Variants in GABRA2 observed in about 807,000 individuals in gnomAD.
GABRA2 encodes the protein gamma-aminobutyric acid receptor subunit alpha-2.
GABRA2 carries 16 observed loss-of-function variants against 48.7 expected under a neutral mutation model. The observed-to-expected ratio is 0.33, with a 90% CI of 0.22 to 0.50. The LOEUF (loss-of-function observed/expected upper bound fraction) is 0.50. Among genes scored for constraint, GABRA2 ranks in the 20% least tolerant of loss-of-function variants. GABRA2 has a pLI of 0.98. For missense variants in GABRA2, 275 were observed against 535.6 expected, an observed-to-expected ratio of 0.51 and a Z score of 4.80; for synonymous variants, 185 against 184.5, an observed-to-expected ratio of 1.00 and a Z score of -0.02.
At chr4:46,350,019 T>C (rs183239935) in intron 3 of GABRA2, among the ~76,000 whole-genome samples, 1 of 152,020 alleles carries the variant, frequency 6.6e-6, no homozygotes, top group Admixed American at 6.6e-5. Flanking sequence ...GCATTTACTG[T>C]ATGCTGAACT....
chr4:46,265,789 T>C (rs567143138), intron 8 of GABRA2, among the ~76,000 whole-genome samples: 2 of 152,076 alleles, frequency 1.3e-5, no homozygotes, highest in South Asian at 4.1e-4. Context: ...GAGAATTTTT[T>C]TTCTCTTTTT....
intron 8 of GABRA2, among the ~76,000 whole-genome samples, chr4:46,298,648 T>G (rs796717065): frequency 1.4e-4 from 21 of 152,110 alleles, no homozygotes; most frequent in African/African-American, 5.1e-4. Context: ...TAACTGTGTG[T>G]AGAAACTGTC....
intron 4 of GABRA2, among the ~76,000 whole-genome samples, chr4:46,313,300 A>C (rs1727994352): frequency 1.3e-5 from 2 of 151,900 alleles, no homozygotes; most frequent in South Asian, 2.1e-4. Context: ...AGAAACTGTA[A>C]ATTATCATAT....
rs1713333570 is a variant in GABRA2, at chr4:46,244,470, A to C, written c.*5838T>G. On this transcript the variant is annotated 3_prime_UTR_variant, in exon 10 of 10. Transcript: ENST00000381620. ...TTCTAAAAAGAAGCATGGAAAACTG[A>C]CATTTTCAAACCTAGTAAGCTAATT... is the stretch of plus-strand genomic sequence containing the variant. Among the ~76,000 whole-genome samples the C allele has an allele frequency of 6.6e-6, 1 of 151,592 alleles. No homozygotes were observed. Among genetic ancestry groups the C allele is most frequent in the Non-Finnish European group, 1.5e-5 (1 of 67,690 alleles).
At chr4:46,342,386 G>C (rs1733388573) in intron 3 of GABRA2, among the ~76,000 whole-genome samples, 1 of 151,924 alleles carries the variant, frequency 6.6e-6, no homozygotes, top group African/African-American at 2.4e-5. Context: ...TCAGAAATCA[G>C]ATTGTGCCAA....
chr4:46,274,832 A>G (rs1720167714), intron 8 of GABRA2, among the ~76,000 whole-genome samples: 1 of 152,062 alleles, frequency 6.6e-6, no homozygotes, highest in Non-Finnish European at 1.5e-5. Flanking sequence ...AGAGAATCCT[A>G]TAGCTTCCCT....
intron 3 of GABRA2, among the ~76,000 whole-genome samples, chr4:46,383,030 C>T (rs377531347): frequency 2.0e-5 from 3 of 151,938 alleles, no homozygotes; most frequent in Admixed American, 6.6e-5. Flanking sequence ...CTATTTGAAA[C>T]GACATGTGTG....
At chr4:46,388,905 C>G in intron 1 of GABRA2, 189 bp from the exon 2 acceptor site, 1 of 1,340,956 alleles carries the variant, frequency 7.5e-7, no homozygotes, top group South Asian at 2.2e-5. Context: ...CCACCCCCAC[C>G]CTTTTCCTTT....
At chr4:46,375,671 CA>C (rs1311224956) in intron 3 of GABRA2, among the ~76,000 whole-genome samples, 3 of 152,018 alleles carry the variant, frequency 2.0e-5, no homozygotes, top group Admixed American at 6.6e-5. Flanking sequence ...CCCTTTATGA[CA>C]GAATACTTAA....
intron 8 of GABRA2, among the ~76,000 whole-genome samples, chr4:46,284,911 T>C (rs1722245032): frequency 6.6e-6 from 1 of 151,884 alleles, no homozygotes; most frequent in Non-Finnish European, 1.5e-5. Context: ...GATTTAATTA[T>C]CTTTCATCAG....
At chr4:46,385,769 T>C (rs1397575841) in intron 3 of GABRA2, among the ~76,000 whole-genome samples, 1 of 152,116 alleles carries the variant, frequency 6.6e-6, no homozygotes, top group Non-Finnish European at 1.5e-5. Flanking sequence ...TTCATATGTA[T>C]ATCTGCTCAA....
At chr4:46,299,513 A>C (rs1725357805) in intron 8 of GABRA2, among the ~76,000 whole-genome samples, 1 of 151,854 alleles carries the variant, frequency 6.6e-6, no homozygotes, top group Non-Finnish European at 1.5e-5. Flanking sequence ...CATAGTCTCT[A>C]AGCAAACTTG....
intron 2 of GABRA2, chr4:46,386,854 C>A (rs1717530628): frequency 6.6e-6 from 1 of 152,146 alleles, no homozygotes; most frequent in African/African-American, 2.4e-5. Flanking sequence ...ATCCTTAGAG[C>A]CTAGTTCTTC....
chr4:46,280,556 AG>A (rs1242687037), intron 8 of GABRA2, among the ~76,000 whole-genome samples: 1 of 152,180 alleles, frequency 6.6e-6, no homozygotes, highest in African/African-American at 2.4e-5. Context: ...TTGTAACACA[AG>A]TATGACATTG....
intron 4 of GABRA2, among the ~76,000 whole-genome samples, chr4:46,316,284 T>G (rs1305207040): frequency 6.6e-6 from 1 of 152,012 alleles, no homozygotes; most frequent in Non-Finnish European, 1.5e-5. Context: ...GTCAGCAAAT[T>G]TTTTCCATTA....
chr4:46,350,502 C>T (rs983045247), intron 3 of GABRA2, among the ~76,000 whole-genome samples: 2 of 151,372 alleles, frequency 1.3e-5, no homozygotes, highest in African/African-American at 2.4e-5. Flanking sequence ...TATATATATA[C>T]ACATACATAC....
In GABRA2 at chr4:46,312,620, C is replaced by T; in HGVS notation, c.352G>A (p.Ala118Thr). Residue 118 changes from alanine to threonine, a missense_variant, in exon 5 of 10, where the codon GCT (alanine) becomes ACT (threonine). By Grantham distance (58) the Ala-to-Thr change is moderately conservative. Around this residue, in one of 4 missense-constraint regions of GABRA2, gnomAD observed 113 missense variants for 257.1 expected, o/e 0.44. Coordinates refer to ENST00000381620, the MANE Select transcript of GABRA2 (RefSeq NM_000807.4). ...GTATCTGGAGTCCAGATTTTGCTAG[C>T]CATTAAATTGTTTAGTCGAAGGATA... ...MNILRLNNLM[A>T]SKIWTPDTFF... 1 of 1,568,870 alleles carries T rather than the reference C, an allele frequency of 6.4e-7. No homozygotes were observed. Among genetic ancestry groups the T allele is most frequent in the Non-Finnish European group, 8.6e-7 (1 of 1,160,418 alleles).
chr4:46,360,746 A>G (rs1713046132), intron 3 of GABRA2, among the ~76,000 whole-genome samples: 1 of 152,208 alleles, frequency 6.6e-6, no homozygotes, highest in Non-Finnish European at 1.5e-5. Context: ...AATGTTTGGA[A>G]CTACCTAGAG....
intron 8 of GABRA2, among the ~76,000 whole-genome samples, chr4:46,287,662 G>A (rs926489836): frequency 6.7e-6 from 1 of 148,674 alleles, no homozygotes; most frequent in Non-Finnish European, 1.5e-5. Flanking sequence ...ATAGCATTGG[G>A]AGATATACCT....
Sources: allele counts gnomAD v4.1 joint callset (sites outside exome capture counted in the v4.1 genomes callset), GRCh38; gene constraint gnomAD v4.1.1; regional missense constraint gnomAD v4.1.1; transcripts MANE v1.5; gene names NCBI Gene and HGNC (gene_info 2026-07-23, HGNC 2026-07-21).